GSDMC: variants seen among roughly 807,000 people sequenced by gnomAD.
GSDMC encodes gasdermin-C.
Under a neutral mutation model 58.0 loss-of-function variants are expected in GSDMC, and 59 were observed. The observed-to-expected ratio is 1.02, with a 90% CI of 0.82 to 1.26. The LOEUF (loss-of-function observed/expected upper bound fraction) is 1.26. GSDMC is among the 50% of genes most tolerant of loss of function. GSDMC has a pLI of 0.00. For missense variants in GSDMC, 659 were observed against 598.5 expected (o/e 1.10, Z -1.06); for synonymous variants, 241 against 220.2 (o/e 1.09, Z -0.83).
At chr8:129,773,852 C>T (rs2034138594) in intron 3 of GSDMC, among the ~76,000 whole-genome samples, 1 of 150,560 alleles carries the variant, frequency 6.6e-6, no homozygotes, top group Non-Finnish European at 1.5e-5. Context: ...GAATACATTT[C>T]ACCAAGGAGG....
At chr8:129,718,004 C>A in the GSDMC span, among the ~76,000 whole-genome samples, 1 of 152,126 alleles carries the variant, frequency 6.6e-6, no homozygotes, top group Non-Finnish European at 1.5e-5. Context: ...CTCCCTTACA[C>A]CTTATACAAA....
At position 129,748,678 on chromosome 8, in the gene GSDMC, A is replaced by G; in HGVS notation, c.1350T>C (p.Pro450=). Residue 450 remains proline (P), a synonymous_variant, in exon 14 of 14, where the codon CCT becomes CCC. Coordinates refer to ENST00000276708, the MANE Select transcript of GSDMC (RefSeq NM_031415.3). ...YPWSIPFTLK[P]ELLAPLQSEG... is the part of the protein sequence containing the mutation. Reference sequence around the variant, plus strand: ...CACTCTGGAGTGGGGCGAGGAGCTCAGGTTTGAGGGTGAAGGGAATGCTCC... The same window carrying G: ...CACTCTGGAGTGGGGCGAGGAGCTCGGGTTTGAGGGTGAAGGGAATGCTCC... 6.2e-7 allele frequency: 1 copy of G among 1,606,236 alleles called. No individual in the cohort carries two copies. Among genetic ancestry groups the G allele is most frequent in the Non-Finnish European group, 8.5e-7 (1 of 1,176,566 alleles).
the GSDMC span, among the ~76,000 whole-genome samples, chr8:129,728,264 C>G: frequency 6.6e-6 from 1 of 152,136 alleles, no homozygotes; most frequent in African/African-American, 2.4e-5. Flanking sequence ...ATTTGGAACA[C>G]CCACTCAACT....
chr8:129,762,534 C>T (rs542278083), intron 5 of GSDMC, 92 bp downstream of exon 5: 2 of 803,712 alleles, frequency 2.5e-6, no homozygotes, highest in East Asian at 4.8e-5. Context: ...TCAAAGGTTG[C>T]ATACTATGGT....
intron 10 of GSDMC, among the ~76,000 whole-genome samples, chr8:129,751,279 G>A (rs187548625): frequency 6.0e-4 from 91 of 152,310 alleles, no homozygotes; most frequent in African/African-American, 2.0e-3. Context: ...CCCTCAGGGT[G>A]TACTGCTTGG....
At chr8:129,755,399 A>G (rs550899831) in intron 6 of GSDMC, among the ~76,000 whole-genome samples, 77 of 152,312 alleles carry the variant, frequency 5.1e-4, no homozygotes, top group African/African-American at 1.7e-3. Context: ...AAGGAGAAAT[A>G]AAGACATCTC....
Position 129,750,502 on chromosome 8 carries a change from G to A in GSDMC, c.1012C>T (p.Gln338Ter), listed in dbSNP as rs769609242. The A allele has an allele frequency of 3.1e-6, 5 of 1,613,684 alleles. No homozygotes were observed. In the South Asian group the frequency reaches 5.5e-5, roughly 18 times the overall value. ...KTLAQLSKDVQDVMFYSILAM... is the reference protein window; with the variant it reads ...KTLAQLSKDV ...AGGATACTGTAGAACATGACATCCT[G>A]AACATCCTTTGAGAGCTGAGCCAGT... Residue 338 changes from glutamine (Q) to a stop codon, truncating the protein, a stop_gained, in exon 11 of 14, where the codon CAG (glutamine) becomes TAG (stop). Coordinates refer to ENST00000276708, the MANE Select transcript of GSDMC (RefSeq NM_031415.3). LOFTEE classifies it high-confidence loss of function.
the GSDMC span, among the ~76,000 whole-genome samples, chr8:129,715,049 C>T: frequency 9.9e-5 from 15 of 152,238 alleles, no homozygotes; most frequent in East Asian, 2.7e-3. Flanking sequence ...GAAGTGATAA[C>T]ATATTAACTC....
intron 7 of GSDMC, 72 bp from the exon 8 acceptor site, chr8:129,752,219 C>T (rs551610357): frequency 8.5e-7 from 1 of 1,182,086 alleles, no homozygotes; most frequent in East Asian, 2.4e-5. Flanking sequence ...CTACTTCTTT[C>T]CCTCTTGGTC....
the GSDMC span, chr8:129,729,245 G>T: frequency 1.6e-6 from 1 of 634,806 alleles, no homozygotes; most frequent in Non-Finnish European, 3.0e-6. Context: ...AAGTGAAATA[G>T]GTGGACTTAG....
chr8:129,743,246 G>A (rs192577231), downstream of GSDMC, among the ~76,000 whole-genome samples: 238 of 152,094 alleles, frequency 1.6e-3, 2 homozygotes, highest in Non-Finnish European at 2.4e-3. Flanking sequence ...GTGTTATATC[G>A]TATCACAGGT....
At chr8:129,732,885 C>T in the GSDMC span, among the ~76,000 whole-genome samples, 2 of 152,186 alleles carry the variant, frequency 1.3e-5, no homozygotes. Context: ...TGCAAGGGGT[C>T]ACGGGATTTC....
chr8:129,712,365 T>A, the GSDMC span, among the ~76,000 whole-genome samples: 1 of 152,148 alleles, frequency 6.6e-6, no homozygotes, highest in African/African-American at 2.4e-5. Context: ...AAACATTTCG[T>A]GCATGGGCCA....
chr8:129,744,329 A>G (rs143131139), downstream of GSDMC, among the ~76,000 whole-genome samples: 610 of 152,340 alleles, frequency 4.0e-3, 4 homozygotes, highest in African/African-American at 0.014. Context: ...ACTAAAAGCT[A>G]TTTAATCAAG....
At chr8:129,776,738 C>CTGCTGTTGTTGTTGTTGTTGTTGT (rs774217991) in intron 2 of GSDMC, among the ~76,000 whole-genome samples, 5 of 150,900 alleles carry the variant, frequency 3.3e-5, no homozygotes, top group African/African-American at 7.3e-5. Flanking sequence ...TTGGTTTTTG[C>CTGCTGTTGTTGTTGTTGTTGTTGT]TGTTGTTGTT....
chr8:129,752,736 AG>A lies in GSDMC; in HGVS notation c.805del (p.Leu269SerfsTer9). The A allele has an allele frequency of 6.2e-7, 1 of 1,614,206 alleles. No individual in the cohort carries two copies. The highest frequency in any genetic ancestry group is 8.5e-7 in the Non-Finnish European group (1 of 1,180,020). The part of the protein sequence containing the change: ...LPSFHTISPT[L>X]FNASSNDMKL... ...CATATCATTGGATGAGGCATTGAAGAGGGTTGGAGAGATGGTATGAAATGAT... is the reference window on the plus strand; with the variant it reads ...CATATCATTGGATGAGGCATTGAAGAGGTTGGAGAGATGGTATGAAATGAT... On this transcript the variant is annotated frameshift_variant, in exon 7 of 14. Coordinates refer to ENST00000276708, the MANE Select transcript of GSDMC (RefSeq NM_031415.3). LOFTEE classifies it high-confidence loss of function.
chr8:129,738,589 G>A, the GSDMC span, among the ~76,000 whole-genome samples: 1 of 152,140 alleles, frequency 6.6e-6, no homozygotes, highest in South Asian at 2.1e-4. Context: ...CTCACTCATA[G>A]GTGGGAATTG....
At chr8:129,745,647 A>G (rs1412928021), downstream of GSDMC, among the ~76,000 whole-genome samples, 1 of 151,898 alleles carries the variant, frequency 6.6e-6, no homozygotes, top group Non-Finnish European at 1.5e-5. Context: ...GTGGAACTCC[A>G]GGTGCATAGA....
rs2033143580 is a variant in GSDMC at position 129,750,477 on chromosome 8, A to G, written c.1037T>C (p.Leu346Pro). Residue 346 changes from leucine (L) to proline (P), a missense_variant, in exon 11 of 14, where the codon CTG (leucine) becomes CCG (proline). Coordinates refer to ENST00000276708, the MANE Select transcript of GSDMC (RefSeq NM_031415.3). ...AGCCCCTCTGTCTCTGAGCATGGCC[A>G]GGATACTGTAGAACATGACATCCTG... ...DVQDVMFYSILAMLRDRGALQ... is the reference protein window; with the variant it reads ...DVQDVMFYSIPAMLRDRGALQ... The G allele has an allele frequency of 5.0e-6, 8 of 1,613,942 alleles. No individual in the cohort carries two copies. In the South Asian group the frequency reaches 5.5e-5, roughly 11 times the overall value.
Sources: allele counts gnomAD v4.1 joint callset (sites outside exome capture counted in the v4.1 genomes callset), GRCh38; gene constraint gnomAD v4.1.1; transcripts MANE v1.5; gene names NCBI Gene and HGNC (gene_info 2026-07-23, HGNC 2026-07-21).